Variants in ETV6 observed in about 807,000 individuals in gnomAD.
ETV6 encodes ETS variant transcription factor 6.
Under a neutral mutation model 51.1 loss-of-function variants are expected in ETV6, and 16 were observed. The ratio of observed to expected loss-of-function variants is 0.31; its 90% CI spans 0.21 to 0.48. The LOEUF (loss-of-function observed/expected upper bound fraction) is 0.48. Ranked by LOEUF, ETV6 falls within the 20% of genes least tolerant of loss-of-function variation. The probability of loss-of-function intolerance (pLI) is 0.99; values close to 1 mark genes in which losing one functional copy is unlikely to be tolerated. For missense variants in ETV6, 458 were observed against 594.8 expected (o/e 0.77, Z 2.39); for synonymous variants, 240 against 224.1 (o/e 1.07, Z -0.64).
chr12:11,870,237 T>C (rs974128795), intron 5 of ETV6, among the ~76,000 whole-genome samples: 3 of 152,062 alleles, frequency 2.0e-5, no homozygotes, highest in Admixed American at 2.0e-4. Flanking sequence ...CACATCAGAA[T>C]CAAGGCTAAG....
intron 1 of ETV6, among the ~76,000 whole-genome samples, chr12:11,685,322 G>GA (rs542402101): frequency 0.091 from 8,575 of 93,914 alleles, 272 homozygotes; most frequent in Non-Finnish European, 0.11. Flanking sequence ...GAACATTTCA[G>GA]AAAAAAAAAA....
chr12:11,688,665 G>C (rs1211627897), intron 1 of ETV6, among the ~76,000 whole-genome samples: 1 of 152,180 alleles, frequency 6.6e-6, no homozygotes, highest in Admixed American at 6.5e-5. Flanking sequence ...TGGATTTGGT[G>C]CCAAAGAATC....
chr12:11,822,739 A>C lies in ETV6; in HGVS notation c.164-16401A>C, dbSNP rs80331461. On this transcript the variant is annotated intron_variant, in intron 2 of 7. Transcript: ENST00000396373. ...TCAGTGAATTGCAAGTGAAGAGAAG[A>C]GGGAGTGGGGGAAGTAAAGGGAAAG... 6.7e-3 allele frequency among the ~76,000 whole-genome samples: 1,014 copies of C among 152,332 alleles called. 7 individuals carry two copies. Among genetic ancestry groups the C allele is most frequent in the Non-Finnish European group, 0.011 (718 of 68,032 alleles).
At chr12:11,865,498 G>C (rs1486116260) in intron 4 of ETV6, among the ~76,000 whole-genome samples, 1 of 150,772 alleles carries the variant, frequency 6.6e-6, no homozygotes, top group Non-Finnish European at 1.5e-5. Context: ...GTTCCCATCT[G>C]CAACCTTCTT....
chr12:11,828,814 C>T (rs1205193898), intron 2 of ETV6, among the ~76,000 whole-genome samples: 1 of 152,150 alleles, frequency 6.6e-6, no homozygotes, highest in East Asian at 1.9e-4. Context: ...TTGATATGGA[C>T]TTTAATTAAA....
intron 5 of ETV6, among the ~76,000 whole-genome samples, chr12:11,874,051 A>G (rs1457285914): frequency 8.9e-6 from 1 of 111,984 alleles, no homozygotes; most frequent in African/African-American, 3.5e-5. Flanking sequence ...TAAATCTACA[A>G]GTTGAGATCT....
chr12:11,662,823 G>A (rs914173210), intron 1 of ETV6, among the ~76,000 whole-genome samples: 1 of 152,196 alleles, frequency 6.6e-6, no homozygotes, highest in Non-Finnish European at 1.5e-5. Context: ...TCCCCAAATT[G>A]GTGTCTGTGA....
At chr12:11,671,443 T>C (rs1430243162) in intron 1 of ETV6, among the ~76,000 whole-genome samples, 1 of 152,210 alleles carries the variant, frequency 6.6e-6, no homozygotes, top group Non-Finnish European at 1.5e-5. Context: ...CTATAGTTCA[T>C]GTTAATCGAT....
chr12:11,867,419 T>C (rs779788469), intron 4 of ETV6, among the ~76,000 whole-genome samples: 2 of 152,234 alleles, frequency 1.3e-5, no homozygotes, highest in Non-Finnish European at 2.9e-5. Context: ...CAGTCTTCTA[T>C]TGATAGCTAT....
chr12:11,890,360 C>T (rs530124295), intron 7 of ETV6, among the ~76,000 whole-genome samples: 34 of 151,728 alleles, frequency 2.2e-4, no homozygotes, highest in East Asian at 5.8e-4. Flanking sequence ...AAGGCTTTCT[C>T]GTGTGGTCAT....
At chr12:11,887,305 G>C (rs908307687) in intron 7 of ETV6, among the ~76,000 whole-genome samples, 4 of 152,056 alleles carry the variant, frequency 2.6e-5, no homozygotes, top group Non-Finnish European at 4.4e-5. Context: ...CAGTGGTTAG[G>C]CTCTTAAATC....
intron 2 of ETV6, among the ~76,000 whole-genome samples, chr12:11,830,204 G>A (rs1946222346): frequency 6.6e-6 from 1 of 152,184 alleles, no homozygotes; most frequent in Non-Finnish European, 1.5e-5. Context: ...GCACCGAGCA[G>A]TATTCGGGAT....
At chr12:11,735,112 T>TA (rs1865678914) in intron 1 of ETV6, among the ~76,000 whole-genome samples, 1 of 142,530 alleles carries the variant, frequency 7.0e-6, no homozygotes, top group African/African-American at 2.7e-5. Flanking sequence ...TTTTTTTTTT[T>TA]ACTAATACTA....
rs1565546170 is a variant in ETV6 at position 11,839,290 on chromosome 12, G to A, written c.314G>A (p.Arg105Gln). ...CTGACCAAAGAGGACTTTCGCTATC[G>A]ATCTCCTCATTCAGGTGAGAGTCTG... ...LLLTKEDFRY[R>Q]SPHSGDVLYE... is the part of the protein sequence containing the mutation. The change falls in exon 3 of 8, where the codon CGA becomes CAA. Residue 105 changes from arginine (R) to glutamine (Q), a missense_variant. Physicochemically the swap from Arg to Gln is conservative, Grantham distance 43 (BLOSUM62 1). Transcript: ENST00000396373. 1.9e-6 allele frequency: 3 copies of A among 1,613,670 alleles called. No homozygotes were observed. Among genetic ancestry groups the A allele is most frequent in the Non-Finnish European group, 1.7e-6 (2 of 1,179,688 alleles).
rs539580742 is a variant in ETV6 at position 11,740,187 on chromosome 12, C to T, written c.34-12263C>T. Among the ~76,000 whole-genome samples, 4 of 152,240 alleles carry T rather than the reference C, an allele frequency of 2.6e-5. No homozygotes were observed. The South Asian group carries it at 8.3e-4, about 32-fold the overall frequency. ...TACGCCAGGCAGAAATCTCCGTAAT[C>T]GTCAGTGTAGATTTCATTTCCTTGT... On this transcript the variant is annotated intron_variant, in intron 1 of 7. Coordinates refer to ENST00000396373, the MANE Select transcript of ETV6 (RefSeq NM_001987.5).
intron 1 of ETV6, among the ~76,000 whole-genome samples, chr12:11,741,335 C>T (rs1359094408): frequency 6.6e-6 from 1 of 152,194 alleles, no homozygotes; most frequent in Non-Finnish European, 1.5e-5. Flanking sequence ...TCTCCATTCT[C>T]CAGCATGAGA....
intron 1 of ETV6, among the ~76,000 whole-genome samples, chr12:11,685,322 G>GAAA (rs542402101): frequency 2.1e-5 from 2 of 94,158 alleles, no homozygotes; most frequent in Non-Finnish European, 2.2e-5. Context: ...GAACATTTCA[G>GAAA]AAAAAAAAAA....
At chr12:11,879,182 CAG>C (rs1242675999) in intron 5 of ETV6, among the ~76,000 whole-genome samples, 2 of 152,036 alleles carry the variant, frequency 1.3e-5, no homozygotes, top group Non-Finnish European at 2.9e-5. Context: ...AAAAATGTAA[CAG>C]GGACACTCAG....
intron 1 of ETV6, among the ~76,000 whole-genome samples, chr12:11,689,707 C>G (rs1358805783): frequency 6.6e-6 from 1 of 151,248 alleles, no homozygotes; most frequent in Admixed American, 6.6e-5. Flanking sequence ...TCTGCCATGT[C>G]TTTTGTGGAC....
Sources: allele counts gnomAD v4.1 joint callset (sites outside exome capture counted in the v4.1 genomes callset), GRCh38; gene constraint gnomAD v4.1.1; transcripts MANE v1.5; gene names NCBI Gene and HGNC (gene_info 2026-07-23, HGNC 2026-07-21).